TRIO: variants seen among roughly 807,000 people sequenced by gnomAD.
TRIO encodes triple functional domain protein.
In TRIO, 58 loss-of-function variants were observed where a neutral mutation model predicts 351.9. The observed-to-expected ratio is 0.16, with a 90% confidence interval of 0.13 to 0.21. TRIO has a LOEUF of 0.21. Ranked by LOEUF, TRIO falls within the 10% of genes least tolerant of loss-of-function variation. The pLI, the probability that TRIO is intolerant of heterozygous loss-of-function variation, is 1.00. For synonymous variants in TRIO, 1,758 were observed against 1,595.7 expected (o/e 1.10, Z -2.42); for missense variants, 3,201 against 4,027.8 (o/e 0.79, Z 5.56).
chr5:14,209,949 C>G (rs994027098), intron 1 of TRIO, among the ~76,000 whole-genome samples: 10 of 152,292 alleles, frequency 6.6e-5, no homozygotes, highest in African/African-American at 2.4e-4. Context: ...TGGCTGCTCC[C>G]CCTCTCCCTG....
chr5:14,419,635 G>A lies in TRIO; in HGVS notation c.4960-143G>A, dbSNP rs891578734. 1.1e-5 allele frequency: 11 copies of A among 1,045,920 alleles called. No individual in the cohort carries two copies. In the African/African-American group the frequency reaches 1.8e-4, roughly 17 times the overall value. The allele number at this position is 1,045,920 out of a possible 1,614,324, so 64.8% of individuals were successfully genotyped here. On this transcript the variant is annotated intron_variant, in intron 33 of 56. Coordinates refer to ENST00000344204, the MANE Select transcript of TRIO (RefSeq NM_007118.4). The stretch of plus-strand genomic sequence containing the variant: ...GAAAAATCATATTTTCATACGGAGA[G>A]TGCAGTGATCACACAACCTCGGAGC...
intron 1 of TRIO, among the ~76,000 whole-genome samples, chr5:14,237,366 C>T (rs931091021): frequency 2.0e-5 from 3 of 152,072 alleles, no homozygotes; most frequent in South Asian, 2.1e-4. Context: ...GGTGTTAATG[C>T]GATTGTCAGT....
intron 8 of TRIO, 55 bp downstream of exon 8, chr5:14,304,647 A>G (rs915415546): frequency 6.9e-5 from 108 of 1,558,406 alleles, no homozygotes; most frequent in Non-Finnish European, 9.2e-5. Context: ...GCATCATAGT[A>G]CACCGGAAGC....
chr5:14,351,238 T>C (rs1379073324), intron 11 of TRIO, among the ~76,000 whole-genome samples: 1 of 152,220 alleles, frequency 6.6e-6, no homozygotes, highest in Non-Finnish European at 1.5e-5. Context: ...AGCAGGCATG[T>C]GGACCCACAG....
At chr5:14,324,017 C>T (rs750988758) in intron 9 of TRIO, among the ~76,000 whole-genome samples, 1 of 152,078 alleles carries the variant, frequency 6.6e-6, no homozygotes, top group Non-Finnish European at 1.5e-5. Flanking sequence ...GTTGTATATC[C>T]CTAAAATACC....
chr5:14,381,185 C>G lies in TRIO; in HGVS notation c.3503C>G (p.Thr1168Arg). Residue 1168 changes from threonine to arginine, a missense_variant, in exon 21 of 57, where the codon ACG (threonine) becomes AGG (arginine). By Grantham distance (71) the Thr-to-Arg change is moderately conservative (BLOSUM62 -1). Around this residue, in one of 19 missense-constraint regions of TRIO, gnomAD observed 201 missense variants for 266.5 expected, o/e 0.75. Coordinates refer to ENST00000344204, the MANE Select transcript of TRIO (RefSeq NM_007118.4). ...TTCTACCTTTCCACACACACCTCCA[C>G]GGGCTCCAGTATACAGCACACCCAG... ...GEFYLSTHTS[T>R]GSSIQHTQEL... 2 of 1,614,150 alleles carry G rather than the reference C, an allele frequency of 1.2e-6. No homozygotes were observed. Among genetic ancestry groups the G allele is most frequent in the Non-Finnish European group, 1.7e-6 (2 of 1,180,018 alleles).
chr5:14,363,475 A>T (rs921794496), intron 13 of TRIO, among the ~76,000 whole-genome samples: 1 of 152,102 alleles, frequency 6.6e-6, no homozygotes, highest in African/African-American at 2.4e-5. Flanking sequence ...GAGAAAAATT[A>T]TTTATCTTCT....
At chr5:14,244,855 C>T (rs1425345209) in intron 1 of TRIO, among the ~76,000 whole-genome samples, 1 of 152,046 alleles carries the variant, frequency 6.6e-6, no homozygotes, top group Non-Finnish European at 1.5e-5. Flanking sequence ...GAGCAGGGAG[C>T]ACAGGGTAAA....
chr5:14,448,843 A>G (rs967924393), intron 34 of TRIO, among the ~76,000 whole-genome samples: 3 of 152,092 alleles, frequency 2.0e-5, no homozygotes, highest in Non-Finnish European at 2.9e-5. Context: ...GTCCCCTCCC[A>G]GTAATCACTG....
intron 1 of TRIO, among the ~76,000 whole-genome samples, chr5:14,144,292 G>A (rs191797394): frequency 6.6e-6 from 1 of 152,152 alleles, no homozygotes; most frequent in East Asian, 1.9e-4. Context: ...AGGCCGAGCG[G>A]ACTGAGCCGG....
At chr5:14,168,305 A>G (rs1561156961) in intron 1 of TRIO, among the ~76,000 whole-genome samples, 1 of 152,258 alleles carries the variant, frequency 6.6e-6, no homozygotes, top group African/African-American at 2.4e-5. Context: ...CTGTTCACAC[A>G]GCCTAATGCA....
intron 54 of TRIO, among the ~76,000 whole-genome samples, chr5:14,503,749 C>A (rs1236079738): frequency 6.6e-6 from 1 of 152,218 alleles, no homozygotes; most frequent in Admixed American, 6.5e-5. Flanking sequence ...GTAGCAAAAC[C>A]GTGGCCTTTA....
Position 14,507,957 on chromosome 5 carries a change from C to A in TRIO, c.8829C>A (p.Leu2943=). Residue 2943 remains leucine (L), a synonymous_variant, in exon 57 of 57, where the codon CTC becomes CTA. Coordinates refer to ENST00000344204, the MANE Select transcript of TRIO (RefSeq NM_007118.4). ...CTGACTTTGGAGATGCTGTTCAGCTCAACACGACCTACTACATCCACCAGT... is the reference window on the plus strand; with the variant it reads ...CTGACTTTGGAGATGCTGTTCAGCTAAACACGACCTACTACATCCACCAGT... ...KLADFGDAVQ[L]NTTYYIHQLL... is the part of the protein sequence containing the mutation. The A allele has an allele frequency of 6.2e-7, 1 of 1,614,210 alleles. No individual in the cohort carries two copies. The highest frequency in any genetic ancestry group is 8.5e-7 in the Non-Finnish European group (1 of 1,180,046).
chr5:14,237,987 G>A (rs2152230834), intron 1 of TRIO, among the ~76,000 whole-genome samples: 1 of 152,282 alleles, frequency 6.6e-6, no homozygotes, highest in Non-Finnish European at 1.5e-5. Flanking sequence ...TGAGCAGCTT[G>A]TAGTCACTGC....
intron 8 of TRIO, among the ~76,000 whole-genome samples, chr5:14,308,275 G>A (rs1480367062): frequency 2.7e-5 from 4 of 146,284 alleles, no homozygotes; most frequent in Non-Finnish European, 3.0e-5. Flanking sequence ...CTAACCACCC[G>A]TTGTTCATCC....
At chr5:14,189,384 A>G (rs1033979384) in intron 1 of TRIO, among the ~76,000 whole-genome samples, 1 of 152,224 alleles carries the variant, frequency 6.6e-6, no homozygotes, top group Non-Finnish European at 1.5e-5. Flanking sequence ...TACAAGTGAG[A>G]TGTTTTTGAA....
In TRIO at chr5:14,456,600, C is replaced by G. The variant is rs183371364; in HGVS notation, c.5204-4419C>G. On this transcript the variant is annotated intron_variant, in intron 34 of 56. Transcript: ENST00000344204. ...GGGTGTCTGGGCAGGGGGTCTCATG[C>G]TCCTGTGTTCACAGCCATCAGGACC... Among the ~76,000 whole-genome samples, 18 of 152,306 alleles carry G rather than the reference C, an allele frequency of 1.2e-4. No individual in the cohort carries two copies. In the East Asian group the frequency reaches 3.5e-3, roughly 29 times the overall value.
chr5:14,253,811 C>T (rs79305912), intron 1 of TRIO, among the ~76,000 whole-genome samples: 9,546 of 152,260 alleles, frequency 0.063, 390 homozygotes, highest in Non-Finnish European at 0.08. Context: ...TTCTCACTCT[C>T]ATTCTCTCCA....
intron 34 of TRIO, among the ~76,000 whole-genome samples, chr5:14,440,489 G>T (rs924050157): frequency 1.3e-5 from 2 of 152,146 alleles, no homozygotes; most frequent in African/African-American, 4.8e-5. Flanking sequence ...ATGTTTCTCC[G>T]CTAAGGAAAA....
Sources: allele counts gnomAD v4.1 joint callset (sites outside exome capture counted in the v4.1 genomes callset), GRCh38; gene constraint gnomAD v4.1.1; regional missense constraint gnomAD v4.1.1; transcripts MANE v1.5; gene names NCBI Gene and HGNC (gene_info 2026-07-23, HGNC 2026-07-21).